IQANK1: variants seen among roughly 807,000 people sequenced by gnomAD.
IQANK1 encodes the protein IQ motif and ankyrin repeat domain-containing protein 1.
Under a neutral mutation model 22.6 loss-of-function variants are expected in IQANK1, and 30 were observed. The observed-to-expected ratio is 1.33, with a 90% CI of 0.99 to 1.80. The LOEUF is 1.80. Ranked by LOEUF, IQANK1 falls within the 40% of genes most tolerant of loss-of-function variation. The probability of loss-of-function intolerance (pLI) is 0.00; values close to 1 mark genes in which losing one functional copy is unlikely to be tolerated. For synonymous variants in IQANK1, 122 were observed against 99.6 expected (o/e 1.23, Z -1.34); for missense variants, 275 against 235.2 (o/e 1.17, Z -1.11).
In IQANK1 at chr8:143,783,263, T is replaced by C. The variant is rs782296977; in HGVS notation, c.790-5652T>C. Among the ~76,000 whole-genome samples, 12 of 152,224 alleles carry C rather than the reference T, an allele frequency of 7.9e-5. 1 individual carries two copies. The highest frequency in any genetic ancestry group is 7.8e-4 in the Admixed American group (12 of 15,290). On this transcript the variant is annotated intron_variant, in intron 7 of 13. Coordinates refer to ENST00000527139, the MANE Select transcript of IQANK1 (RefSeq NM_001381874.1). ...CTCTCCCAGACATTGTGATTGCCAG[T>C]GTTTTTTAATGCAGACTCATGGTGG...
intron 7 of IQANK1, among the ~76,000 whole-genome samples, chr8:143,777,536 AAAAC>A (rs1353861886): frequency 6.6e-6 from 1 of 150,938 alleles, no homozygotes; most frequent in Non-Finnish European, 1.5e-5. Flanking sequence ...AAAAAAAAAA[AAAAC>A]AAACCACTAA....
chr8:143,778,580 T>C (rs1819734843), intron 7 of IQANK1, among the ~76,000 whole-genome samples: 1 of 152,164 alleles, frequency 6.6e-6, no homozygotes. Context: ...CATCTCTCTC[T>C]CCCCATAATT....
chr8:143,764,826 C>T (rs1819457082), intron 3 of IQANK1, among the ~76,000 whole-genome samples: 1 of 151,944 alleles, frequency 6.6e-6, no homozygotes, highest in Non-Finnish European at 1.5e-5. Flanking sequence ...TAGTGAACCT[C>T]AAGGAATTGC....
At chr8:143,739,580 C>T (rs1411763468) in intron 2 of IQANK1, 4 of 370,574 alleles carry the variant, frequency 1.1e-5, no homozygotes, top group African/African-American at 2.1e-5. Context: ...AGCAGAGGCA[C>T]CACCTGCCCA....
chr8:143,779,135 CAT>C (rs1171530053), intron 7 of IQANK1, among the ~76,000 whole-genome samples: 4 of 152,106 alleles, frequency 2.6e-5, no homozygotes, highest in Admixed American at 1.3e-4. Context: ...AACTTATAAA[CAT>C]ATATAAATTT....
chr8:143,772,951 A>G (rs538965921), intron 7 of IQANK1, among the ~76,000 whole-genome samples: 1 of 152,308 alleles, frequency 6.6e-6, no homozygotes, highest in East Asian at 1.9e-4. Context: ...AGAGAACTTG[A>G]GCCACACAGC....
chr8:143,763,578 C>T (rs540429333), intron 3 of IQANK1, among the ~76,000 whole-genome samples: 63 of 152,140 alleles, frequency 4.1e-4, no homozygotes, highest in Non-Finnish European at 7.1e-4. Flanking sequence ...CTCACAAGCT[C>T]GCACGAGAGC....
intron 3 of IQANK1, among the ~76,000 whole-genome samples, chr8:143,752,325 A>C (rs1463599267): frequency 6.6e-6 from 1 of 152,172 alleles, no homozygotes; most frequent in Non-Finnish European, 1.5e-5. Context: ...GTTTCTGATG[A>C]AAAATCTGCT....
At chr8:143,747,005 A>T (rs1220182743) in intron 3 of IQANK1, among the ~76,000 whole-genome samples, 1 of 152,036 alleles carries the variant, frequency 6.6e-6, no homozygotes, top group African/African-American at 2.4e-5. Context: ...TCAGCCTCCC[A>T]AGTAGCTGGG....
At chr8:143,789,287 G>A (rs1038097493) in intron 9 of IQANK1, 44 bp downstream of exon 9, 19 of 406,356 alleles carry the variant, frequency 4.7e-5, no homozygotes, top group Non-Finnish European at 7.7e-5. Flanking sequence ...AGGAGGGAGA[G>A]CCGGGTGGGG....
chr8:143,737,499 T>C (rs538356677), intron 2 of IQANK1, among the ~76,000 whole-genome samples: 10 of 152,294 alleles, frequency 6.6e-5, no homozygotes, highest in African/African-American at 2.4e-4. Context: ...GGCACCGGCT[T>C]CACTTGGCAG....
At chr8:143,759,088 C>T in intron 3 of IQANK1, 1 of 316,670 alleles carries the variant, frequency 3.2e-6, no homozygotes, top group Non-Finnish European at 6.2e-6. Flanking sequence ...GGACATGACT[C>T]AATACTGATC....
intron 3 of IQANK1, among the ~76,000 whole-genome samples, chr8:143,768,075 G>C (rs1819510341): frequency 6.6e-6 from 1 of 151,154 alleles, no homozygotes; most frequent in African/African-American, 2.4e-5. Context: ...TAGAGACGGG[G>C]TTTCACCATG....
intron 2 of IQANK1, among the ~76,000 whole-genome samples, chr8:143,737,058 A>C (rs1292255594): frequency 6.6e-6 from 1 of 152,068 alleles, no homozygotes; most frequent in African/African-American, 2.4e-5. Flanking sequence ...CCGCTCCTCC[A>C]CGCCAGGCTG....
chr8:143,738,827 C>T (rs1433582853), intron 2 of IQANK1, among the ~76,000 whole-genome samples: 2 of 152,254 alleles, frequency 1.3e-5, no homozygotes, highest in African/African-American at 4.8e-5. Flanking sequence ...TGGCCACAGA[C>T]AACCTGAGCC....
intron 7 of IQANK1, among the ~76,000 whole-genome samples, chr8:143,786,970 G>A (rs56807410): frequency 0.049 from 7,465 of 152,220 alleles, 619 homozygotes; most frequent in African/African-American, 0.17. Flanking sequence ...AGGAGAGGGC[G>A]GTAGCACGCA....
rs1171611912 is a variant in IQANK1 at position 143,735,835 on chromosome 8, C to T, written c.-4-15C>T. On this transcript the variant is annotated splice_polypyrimidine_tract_variant and intron_variant, in intron 1 of 13. Transcript: ENST00000527139. The surrounding 1 kb of genome is among the most constrained non-coding windows in gnomAD (Gnocchi z 5.2). ...TGAGCACCCTCTCCCTGGTCCTTCC[C>T]TACCCACCCCCCAGGAGAATGGACA... 1 of 702,610 alleles carries T rather than the reference C, an allele frequency of 1.4e-6. No homozygotes were observed. The highest frequency in any genetic ancestry group is 2.6e-6 in the Non-Finnish European group (1 of 384,846). 43.5% of individuals were successfully genotyped at this position (702,610 alleles called of 1,614,324 possible).
intron 3 of IQANK1, chr8:143,743,105 C>A (rs1271731551): frequency 6.7e-6 from 3 of 444,760 alleles, no homozygotes; most frequent in Non-Finnish European, 1.4e-5. Context: ...GCAGGGTAGC[C>A]ACCGGGCACG....
chr8:143,772,745 A>G (rs1439378954), intron 7 of IQANK1, among the ~76,000 whole-genome samples: 1 of 152,178 alleles, frequency 6.6e-6, no homozygotes, highest in Non-Finnish European at 1.5e-5. Context: ...CTGCAGTGGA[A>G]GTGGCAGCGA....
Sources: gnomAD v4.1 joint callset for allele counts (sites outside exome capture counted in the v4.1 genomes callset) on GRCh38, gnomAD v4.1.1 for gene constraint, Gnocchi (gnomAD v3.1) non-coding constraint, MANE v1.5 for transcripts, NCBI Gene and HGNC (gene_info 2026-07-23, HGNC 2026-07-21) for gene names.